SNTG1: variants seen among roughly 807,000 people sequenced by gnomAD.
SNTG1 encodes the protein syntrophin gamma 1.
In SNTG1, 39 loss-of-function variants were observed where a neutral mutation model predicts 74.7. The observed-to-expected ratio is 0.52, with a 90% confidence interval of 0.40 to 0.68. SNTG1 has a LOEUF of 0.68. Ranked by LOEUF, SNTG1 falls within the 30% of genes least tolerant of loss-of-function variation. The pLI, the probability that SNTG1 is intolerant of heterozygous loss-of-function variation, is 0.00. For missense variants in SNTG1, 685 were observed against 609.5 expected, an observed-to-expected ratio of 1.12 and a Z score of -1.30; for synonymous variants, 254 against 217.1, an observed-to-expected ratio of 1.17 and a Z score of -1.49.
chr8:50,318,226 T>A (rs1473518051), intron 2 of SNTG1, among the ~76,000 whole-genome samples: 1 of 152,166 alleles, frequency 6.6e-6, no homozygotes, highest in Non-Finnish European at 1.5e-5. Context: ...GCTAGTCTGT[T>A]CTTGCAGCTG....
chr8:50,655,632 CTG>C (rs1318246722), intron 13 of SNTG1, among the ~76,000 whole-genome samples: 2 of 152,160 alleles, frequency 1.3e-5, no homozygotes, highest in East Asian at 3.9e-4. Flanking sequence ...GTAAGACAAA[CTG>C]AGATAATGAG....
chr8:50,719,209 T>C (rs1443147502), intron 17 of SNTG1, among the ~76,000 whole-genome samples: 3 of 152,162 alleles, frequency 2.0e-5, no homozygotes, highest in African/African-American at 7.2e-5. Context: ...AATTCATACA[T>C]TAGAACCTAA....
chr8:50,090,346 G>A lies in SNTG1; in HGVS notation c.-102-82215G>A, dbSNP rs532348604. On this transcript the variant is annotated intron_variant, in intron 1 of 18. Transcript: ENST00000642720. ...CCCATCTTAAGTGGGGGACTCAGAA[G>A]ACATCCCTGGATGCAGTTTCTCTCA... Among the ~76,000 whole-genome samples, 14 of 152,258 alleles carry A rather than the reference G, an allele frequency of 9.2e-5. 1 individual carries two copies. The East Asian group carries it at 2.1e-3, about 23-fold the overall frequency.
At chr8:50,138,182 G>T (rs1043134201) in intron 1 of SNTG1, among the ~76,000 whole-genome samples, 2 of 151,978 alleles carry the variant, frequency 1.3e-5, no homozygotes, top group South Asian at 2.1e-4. Flanking sequence ...CGACGTCACG[G>T]CAAGACACTG....
chr8:50,311,055 T>C (rs1257320258), intron 2 of SNTG1, among the ~76,000 whole-genome samples: 1 of 152,262 alleles, frequency 6.6e-6, no homozygotes, highest in Non-Finnish European at 1.5e-5. Context: ...TCATTGCTTA[T>C]TTCACTGAGG....
At chr8:49,969,052 G>T (rs892818027) in intron 1 of SNTG1, among the ~76,000 whole-genome samples, 1 of 152,182 alleles carries the variant, frequency 6.6e-6, no homozygotes, top group Non-Finnish European at 1.5e-5. Context: ...GGGAATTAGT[G>T]TGTAAAATGA....
chr8:50,416,387 C>T (rs950403285), intron 4 of SNTG1, among the ~76,000 whole-genome samples: 1 of 152,146 alleles, frequency 6.6e-6, no homozygotes, highest in Non-Finnish European at 1.5e-5. Context: ...CTTGGATCCA[C>T]ATAGCCAATA....
intron 2 of SNTG1, among the ~76,000 whole-genome samples, chr8:50,219,138 A>G (rs1273179893): frequency 6.6e-6 from 1 of 152,220 alleles, no homozygotes. Context: ...TGGAAGGAGG[A>G]AAACAGCTTT....
chr8:49,950,795 C>T lies in SNTG1; in HGVS notation c.-103+38564C>T, dbSNP rs138840253. On this transcript the variant is annotated intron_variant, in intron 1 of 18. Coordinates refer to ENST00000642720, the MANE Select transcript of SNTG1 (RefSeq NM_018967.5). ...AAAAGGCTGTGGACTCCTACCTTCA[C>T]ATCTGCTAAATGTGGCTATACCAAA... Among the ~76,000 whole-genome samples, 45 of 152,322 alleles carry T rather than the reference C, an allele frequency of 3.0e-4. No homozygotes were observed. The East Asian group carries it at 8.7e-3, about 29-fold the overall frequency.
chr8:50,664,096 A>G (rs2131306603), intron 15 of SNTG1, among the ~76,000 whole-genome samples: 1 of 152,300 alleles, frequency 6.6e-6, no homozygotes, highest in South Asian at 2.1e-4. Flanking sequence ...AGGATCAACA[A>G]TTGGAGAGAA....
intron 13 of SNTG1, among the ~76,000 whole-genome samples, chr8:50,609,896 A>G (rs563166367): frequency 1.3e-5 from 2 of 152,210 alleles, no homozygotes; most frequent in Non-Finnish European, 2.9e-5. Flanking sequence ...TTGCTATAAT[A>G]AATTATTTGA....
intron 2 of SNTG1, among the ~76,000 whole-genome samples, chr8:50,306,717 C>G (rs962000824): frequency 6.6e-6 from 1 of 151,714 alleles, no homozygotes; most frequent in East Asian, 1.9e-4. Flanking sequence ...CTATTTATGT[C>G]ATTTGCCTAC....
intron 13 of SNTG1, among the ~76,000 whole-genome samples, chr8:50,596,937 T>C (rs2094731394): frequency 6.6e-6 from 1 of 151,938 alleles, no homozygotes. Flanking sequence ...AAATCTCCTC[T>C]AGCTATGCTG....
intron 1 of SNTG1, among the ~76,000 whole-genome samples, chr8:49,930,207 CAA>C (rs1163333590): frequency 2.0e-5 from 3 of 151,566 alleles, no homozygotes; most frequent in Admixed American, 6.6e-5. Context: ...TAAAACATAA[CAA>C]GAGATAGTAT....
intron 1 of SNTG1, among the ~76,000 whole-genome samples, chr8:50,018,460 C>T (rs1816534776): frequency 6.6e-6 from 1 of 151,942 alleles, no homozygotes; most frequent in African/African-American, 2.4e-5. Flanking sequence ...GTTTTGACCT[C>T]TACCTCACAC....
chr8:49,980,575 A>G (rs894320572), intron 1 of SNTG1, among the ~76,000 whole-genome samples: 5 of 144,740 alleles, frequency 3.5e-5, no homozygotes, highest in African/African-American at 1.3e-4. Context: ...ATGAGCTCCC[A>G]GGGCACAGCT....
intron 1 of SNTG1, among the ~76,000 whole-genome samples, chr8:49,991,769 C>T (rs529243576): frequency 1.4e-4 from 21 of 152,170 alleles, no homozygotes; most frequent in South Asian, 1.2e-3. Context: ...TCCATAGAGA[C>T]AGAAAATAGG....
chr8:50,685,489 A>G (rs1415936424), intron 15 of SNTG1, among the ~76,000 whole-genome samples: 1 of 152,208 alleles, frequency 6.6e-6, no homozygotes, highest in Non-Finnish European at 1.5e-5. Flanking sequence ...TTTAAAAAAC[A>G]TATTTTACCT....
intron 8 of SNTG1, among the ~76,000 whole-genome samples, chr8:50,497,585 C>T (rs1399190832): frequency 6.6e-6 from 1 of 151,696 alleles, no homozygotes; most frequent in Non-Finnish European, 1.5e-5. Context: ...AAAGAAAAAA[C>T]ACTGGAAATT....
Sources: allele counts gnomAD v4.1 joint callset (sites outside exome capture counted in the v4.1 genomes callset), GRCh38; gene constraint gnomAD v4.1.1; transcripts MANE v1.5; gene names NCBI Gene and HGNC (gene_info 2026-07-23, HGNC 2026-07-21).